Variants in RBFOX1 observed in about 807,000 individuals in gnomAD.
RBFOX1 encodes RNA binding fox-1 homolog 1.
A neutral mutation model predicts 57.7 loss-of-function variants in RBFOX1; 8 were observed. The observed-to-expected ratio is 0.14, with a 90% confidence interval of 0.08 to 0.25. The LOEUF is 0.25. Ranked by LOEUF, RBFOX1 falls within the 10% of genes least tolerant of loss-of-function variation. The probability of loss-of-function intolerance (pLI) is 1.00; values close to 1 mark genes in which losing one functional copy is unlikely to be tolerated. For synonymous variants in RBFOX1, 326 were observed against 222.4 expected (o/e 1.47, Z -4.15); for missense variants, 611 against 548.5 (o/e 1.11, Z -1.14).
At chr16:6,437,814 A>G (rs2153019648) in intron 2 of RBFOX1, among the ~76,000 whole-genome samples, 1 of 152,276 alleles carries the variant, frequency 6.6e-6, no homozygotes, top group Admixed American at 6.5e-5. Flanking sequence ...GAACTCATTC[A>G]TTATCAGGAG....
chr16:7,105,785 T>G (rs62014130), intron 4 of RBFOX1, among the ~76,000 whole-genome samples: 81,610 of 146,986 alleles, frequency 0.56, 22,337 homozygotes, highest in African/African-American at 0.64. Flanking sequence ...TAGATGTATA[T>G]AGAGATAGAT....
At chr16:5,492,616 A>G (rs897885814) in intron 2 of RBFOX1, among the ~76,000 whole-genome samples, 1 of 152,220 alleles carries the variant, frequency 6.6e-6, no homozygotes, top group Non-Finnish European at 1.5e-5. Context: ...GGACTTGTCT[A>G]TGCTGCATTA....
At chr16:6,131,920 T>C (rs1169685298) in intron 1 of RBFOX1, among the ~76,000 whole-genome samples, 1 of 152,234 alleles carries the variant, frequency 6.6e-6, no homozygotes, top group Non-Finnish European at 1.5e-5. Context: ...ACACTTTGTA[T>C]GCACGTCTGG....
At chr16:5,717,549 T>A (rs1374232951) in intron 3 of RBFOX1, among the ~76,000 whole-genome samples, 1 of 152,180 alleles carries the variant, frequency 6.6e-6, no homozygotes, top group Non-Finnish European at 1.5e-5. Flanking sequence ...TTCATTCTTA[T>A]GCTTTTGTAT....
chr16:6,189,426 C>A (rs150323767), intron 1 of RBFOX1, among the ~76,000 whole-genome samples: 1 of 152,178 alleles, frequency 6.6e-6, no homozygotes, highest in African/African-American at 2.4e-5. Flanking sequence ...GAGTCGCTTG[C>A]TGCAACAGTG....
rs200057476 is a variant in RBFOX1, at chr16:7,273,244, T to C, written c.27+221146T>C. On this transcript the variant is annotated intron_variant, in intron 4 of 15. Transcript: ENST00000550418. ...TTCCTTCCTTCCTTCCTTCCTTCCT[T>C]CCTTCCTTCCTTCCTTCCTCCCTTT... Among the ~76,000 whole-genome samples the C allele has an allele frequency of 7.5e-5, 10 of 133,808 alleles. 1 individual carries two copies. Among genetic ancestry groups the C allele is most frequent in the African/African-American group, 2.3e-4 (8 of 35,038 alleles). The allele number at this position is 133,808 out of a possible 152,430, so 87.8% of individuals were successfully genotyped here. A position where few individuals can be genotyped will look rare whatever the true frequency, so the allele number is the denominator to read the frequency against.
intron 2 of RBFOX1, among the ~76,000 whole-genome samples, chr16:6,473,024 T>C (rs2095214184): frequency 6.6e-6 from 1 of 152,168 alleles, no homozygotes; most frequent in Non-Finnish European, 1.5e-5. Context: ...CTTTACAAGA[T>C]GTATGCTGGT....
chr16:6,970,298 C>T (rs138868311), intron 3 of RBFOX1, among the ~76,000 whole-genome samples: 263 of 152,282 alleles, frequency 1.7e-3, no homozygotes, highest in African/African-American at 5.9e-3. Context: ...AACATCATCA[C>T]CTAGACTATT....
At chr16:7,181,833 T>A (rs1267194357) in intron 4 of RBFOX1, among the ~76,000 whole-genome samples, 1 of 152,146 alleles carries the variant, frequency 6.6e-6, no homozygotes, top group Non-Finnish European at 1.5e-5. Context: ...AGTGCTAGGA[T>A]TAAAGGTGTG....
intron 2 of RBFOX1, among the ~76,000 whole-genome samples, chr16:5,521,298 A>C (rs2044003772): frequency 7.1e-6 from 1 of 140,658 alleles, no homozygotes; most frequent in African/African-American, 2.6e-5. Flanking sequence ...TCAAGTTTGC[A>C]CAACTGCTGC....
intron 4 of RBFOX1, among the ~76,000 whole-genome samples, chr16:7,457,209 C>G (rs550937669): frequency 3.3e-5 from 5 of 152,096 alleles, no homozygotes; most frequent in East Asian, 3.9e-4. Flanking sequence ...TTTTATCACT[C>G]ATACAGCGGG....
At chr16:5,289,098 C>T (rs1212818193) in intron 1 of RBFOX1, 1 of 171,452 alleles carries the variant, frequency 5.8e-6, no homozygotes, top group Non-Finnish European at 1.3e-5. Flanking sequence ...GCCCTCCAGC[C>T]TGGGTGACAG....
intron 4 of RBFOX1, among the ~76,000 whole-genome samples, chr16:5,907,761 A>G (rs2058497591): frequency 6.7e-6 from 1 of 149,504 alleles, no homozygotes; most frequent in South Asian, 2.1e-4. Flanking sequence ...CATCATCATC[A>G]TCATTTGAGA....
Position 6,097,983 on chromosome 16 carries a change from C to T in RBFOX1, c.-127+77991C>T, listed in dbSNP as rs970840055. The stretch of plus-strand genomic sequence containing the variant: ...GGCCCCTGCTTGGTCTAGGATGGAG[C>T]CTGCAATTTTGCATTTGTGACAAGC... On this transcript the variant is annotated intron_variant, in intron 1 of 15. Coordinates refer to ENST00000550418, the MANE Select transcript of RBFOX1 (RefSeq NM_018723.4). This position sits in a 1 kb window ranked among gnomAD's most constrained non-coding sequence, Gnocchi z 5.0. 6.6e-6 allele frequency among the ~76,000 whole-genome samples: 1 copy of T among 152,216 alleles called. No homozygotes were observed. The highest frequency in any genetic ancestry group is 1.9e-4 in the East Asian group (1 of 5,168).
chr16:5,345,031 C>G (rs1366708206), intron 1 of RBFOX1, among the ~76,000 whole-genome samples: 6 of 152,242 alleles, frequency 3.9e-5, no homozygotes, highest in East Asian at 1.9e-4. Context: ...TGGCATCTGT[C>G]TAGTTCTTCT....
intron 1 of RBFOX1, 56 bp from the exon 2 acceptor site, chr16:6,316,939 C>A: frequency 6.8e-7 from 1 of 1,478,768 alleles, no homozygotes; most frequent in Non-Finnish European, 9.1e-7. Flanking sequence ...AAAGTGCGGA[C>A]AAAATTCAAG....
intron 4 of RBFOX1, among the ~76,000 whole-genome samples, chr16:5,924,427 C>G (rs1369783008): frequency 2.6e-5 from 4 of 152,166 alleles, no homozygotes; most frequent in Non-Finnish European, 4.4e-5. Context: ...AATGTCCTCC[C>G]TGGCAGGGGA....
intron 2 of RBFOX1, among the ~76,000 whole-genome samples, chr16:6,561,908 G>C (rs544806723): frequency 2.0e-5 from 3 of 152,270 alleles, no homozygotes; most frequent in African/African-American, 7.2e-5. Flanking sequence ...TGCCTAATGA[G>C]TATGTATCAC....
At chr16:6,219,844 C>T (rs1327885364) in intron 1 of RBFOX1, among the ~76,000 whole-genome samples, 3 of 152,062 alleles carry the variant, frequency 2.0e-5, no homozygotes, top group Non-Finnish European at 4.4e-5. Flanking sequence ...CTATCGTGCT[C>T]CAGATTGGGC....
Sources: gnomAD v4.1 joint callset for allele counts (sites outside exome capture counted in the v4.1 genomes callset) on GRCh38, gnomAD v4.1.1 for gene constraint, Gnocchi (gnomAD v3.1) non-coding constraint, MANE v1.5 for transcripts, NCBI Gene and HGNC (gene_info 2026-07-23, HGNC 2026-07-21) for gene names.